Variants in LTBP1 observed in about 807,000 individuals in gnomAD.
The protein encoded by LTBP1 is latent-transforming growth factor beta-binding protein 1.
A neutral mutation model predicts 207.6 loss-of-function variants in LTBP1; 129 were observed. The ratio of observed to expected loss-of-function variants is 0.62; its 90% CI spans 0.54 to 0.72. The LOEUF is 0.72. LTBP1 is among the 30% of genes least tolerant of loss of function. The pLI is 0.00. For synonymous variants in LTBP1, 963 were observed against 833.7 expected (o/e 1.16, Z -2.67); for missense variants, 2,281 against 2,217.2 (o/e 1.03, Z -0.58).
chr2:32,971,000 A>ATT (rs1229380087), intron 2 of LTBP1, among the ~76,000 whole-genome samples: 5 of 99,678 alleles, frequency 5.0e-5, no homozygotes, highest in African/African-American at 1.8e-4. Context: ...ATTCCTAGGT[A>ATT]TTTGTGTGTG....
intron 2 of LTBP1, among the ~76,000 whole-genome samples, chr2:32,978,531 G>T (rs1367969052): frequency 9.9e-5 from 15 of 152,050 alleles, no homozygotes; most frequent in Non-Finnish European, 4.4e-5. Context: ...AACCATCCTT[G>T]CAACCCCGGG....
intron 2 of LTBP1, among the ~76,000 whole-genome samples, chr2:32,954,655 G>GT (rs1177927112): frequency 1.2e-3 from 170 of 141,476 alleles, no homozygotes; most frequent in African/African-American, 2.6e-3. Context: ...TCAACACTTT[G>GT]TTTTTTTTTT....
intron 29 of LTBP1, among the ~76,000 whole-genome samples, chr2:33,363,976 C>T (rs1294859319): frequency 6.6e-6 from 1 of 152,154 alleles, no homozygotes; most frequent in African/African-American, 2.4e-5. Flanking sequence ...ATATCCTGTT[C>T]ATGGATGTTT....
At chr2:33,192,526 A>G (rs1157601011) in intron 7 of LTBP1, among the ~76,000 whole-genome samples, 3 of 152,192 alleles carry the variant, frequency 2.0e-5, no homozygotes, top group African/African-American at 7.2e-5. Context: ...GTTTCTTAAA[A>G]AAAAAAAATC....
intron 2 of LTBP1, among the ~76,000 whole-genome samples, chr2:32,974,414 C>A (rs1028696026): frequency 9.2e-5 from 14 of 152,104 alleles, no homozygotes; most frequent in Non-Finnish European, 1.6e-4. Flanking sequence ...AAGTCTTTTG[C>A]CCATTTTCGA....
At chr2:33,248,877 G>A (rs142504172) in intron 10 of LTBP1, among the ~76,000 whole-genome samples, 3,939 of 152,136 alleles carry the variant, frequency 0.026, 175 homozygotes, top group African/African-American at 0.09. Context: ...ATGAGCCACC[G>A]CGCCCAGCCA....
rs1401938698 is a variant in LTBP1 at position 32,971,040 on chromosome 2, G to GTC, written c.565+22096_565+22097insCT. ...TGTGTGTGTGTGTGTGTGTGTGTGT[G>GTC]TGTCTGTCTGTCTTTTGTAAATGGG... On this transcript the variant is annotated intron_variant, in intron 2 of 33. Transcript: ENST00000404816. 8.0e-3 allele frequency among the ~76,000 whole-genome samples: 1,104 copies of GTC among 137,174 alleles called. 12 individuals are homozygous for GTC. The highest frequency in any genetic ancestry group is 0.019 in the African/African-American group (722 of 38,476). 90.0% of individuals were successfully genotyped at this position (137,174 alleles called of 152,430 possible). A position where few individuals can be genotyped will look rare whatever the true frequency, so the allele number is the denominator to read the frequency against.
At chr2:33,196,505 C>A (rs2088583082) in intron 7 of LTBP1, among the ~76,000 whole-genome samples, 1 of 151,526 alleles carries the variant, frequency 6.6e-6, no homozygotes, top group Admixed American at 6.6e-5. Flanking sequence ...TGTGAAATGA[C>A]CAAGGGCCAA....
intron 31 of LTBP1, among the ~76,000 whole-genome samples, chr2:33,366,736 G>A (rs747011466): frequency 2.6e-5 from 4 of 152,216 alleles, no homozygotes; most frequent in Non-Finnish European, 4.4e-5. Flanking sequence ...GGGCTGGGAG[G>A]ATGTAGGTAG....
chr2:33,316,022 T>C (rs1308930454), intron 24 of LTBP1, among the ~76,000 whole-genome samples: 2 of 152,232 alleles, frequency 1.3e-5, no homozygotes, highest in African/African-American at 4.8e-5. Context: ...TATCCTTATT[T>C]CCAAGGCAGT....
At chr2:33,096,571 G>T (rs1050843873) in intron 3 of LTBP1, among the ~76,000 whole-genome samples, 1 of 152,180 alleles carries the variant, frequency 6.6e-6, no homozygotes, top group African/African-American at 2.4e-5. Flanking sequence ...ATCATTGGTG[G>T]CAATTTTAAT....
intron 7 of LTBP1, among the ~76,000 whole-genome samples, chr2:33,211,237 T>C (rs558006066): frequency 6.6e-6 from 1 of 152,312 alleles, no homozygotes; most frequent in African/African-American, 2.4e-5. Context: ...TGAAGACTTT[T>C]AATAAATGTG....
intron 3 of LTBP1, among the ~76,000 whole-genome samples, chr2:33,023,792 A>T (rs761755039): frequency 3.9e-5 from 6 of 152,216 alleles, no homozygotes; most frequent in Non-Finnish European, 8.8e-5. Context: ...CCCTTTGATT[A>T]ATTTAGGTTA....
At chr2:33,312,194 G>C (rs958938627) in intron 23 of LTBP1, among the ~76,000 whole-genome samples, 4 of 152,184 alleles carry the variant, frequency 2.6e-5, no homozygotes, top group African/African-American at 7.2e-5. Flanking sequence ...GAGAGGTGTA[G>C]ATTTCAGAGT....
chr2:33,049,882 C>T (rs1416408932), intron 3 of LTBP1, among the ~76,000 whole-genome samples: 1 of 150,478 alleles, frequency 6.6e-6, no homozygotes, highest in Non-Finnish European at 1.5e-5. Flanking sequence ...TGCTTTGTTG[C>T]TCAGCCTGGA....
chr2:33,278,310 C>T (rs890024704), intron 18 of LTBP1, among the ~76,000 whole-genome samples: 2 of 152,080 alleles, frequency 1.3e-5, no homozygotes, highest in Non-Finnish European at 2.9e-5. Context: ...AGATGACTAG[C>T]GTTCCCTCAG....
At chr2:33,237,480 T>A (rs547174172) in intron 9 of LTBP1, among the ~76,000 whole-genome samples, 1 of 152,232 alleles carries the variant, frequency 6.6e-6, no homozygotes, top group Non-Finnish European at 1.5e-5. Flanking sequence ...CACATATCTT[T>A]AAGCTGACAT....
At chr2:33,190,685 A>G (rs1449075280) in intron 7 of LTBP1, among the ~76,000 whole-genome samples, 1 of 152,220 alleles carries the variant, frequency 6.6e-6, no homozygotes, top group Non-Finnish European at 1.5e-5. Context: ...TTATAGAACG[A>G]TGCAAATATT....
chr2:33,071,119 G>C (rs2077764220), intron 3 of LTBP1, among the ~76,000 whole-genome samples: 2 of 152,188 alleles, frequency 1.3e-5, no homozygotes, highest in South Asian at 4.1e-4. Context: ...CCAGGGTTGA[G>C]GGCCACTATG....
Sources: allele counts gnomAD v4.1 joint callset (sites outside exome capture counted in the v4.1 genomes callset), GRCh38; gene constraint gnomAD v4.1.1; transcripts MANE v1.5; gene names NCBI Gene and HGNC (gene_info 2026-07-23, HGNC 2026-07-21).